TSC2: variants seen among roughly 807,000 people sequenced by gnomAD.
The protein encoded by TSC2 is tuberin.
Under a neutral mutation model 202.2 loss-of-function variants are expected in TSC2, and 29 were observed. The ratio of observed to expected loss-of-function variants is 0.14; its 90% CI spans 0.11 to 0.20. The LOEUF is 0.20. Ranked by LOEUF, TSC2 falls within the 10% of genes least tolerant of loss-of-function variation. TSC2 has a pLI of 1.00. For missense variants in TSC2, 2,429 were observed against 2,420.0 expected, an observed-to-expected ratio of 1.00 and a Z score of -0.08; for synonymous variants, 1,349 against 1,044.0, an observed-to-expected ratio of 1.29 and a Z score of -5.63.
intron 22 of TSC2, 75 bp from the exon 23 acceptor site, chr16:2,075,724 C>T (rs1404040099): frequency 4.0e-6 from 6 of 1,510,610 alleles, no homozygotes; most frequent in Non-Finnish European, 5.5e-6. Context: ...CTGCCGTGGG[C>T]AGAGCAGCCG....
Position 2,077,725 on chromosome 16 carries a change from A to G in TSC2, c.2965A>G (p.Ser989Gly), listed in dbSNP as rs1567491278. The G allele has an allele frequency of 6.2e-7, 1 of 1,612,482 alleles. No individual in the cohort carries two copies. Among genetic ancestry groups the G allele is most frequent in the Non-Finnish European group, 8.5e-7 (1 of 1,179,996 alleles). ...CAGTGTGTCTGAACATGTGGTCCGC[A>G]GGTAGCGGGACTGTCGGGTGGGGGG... ...SISVSEHVVR[S>G]RIQTSLTSAS... Residue 989 changes from serine to glycine, a missense_variant and splice_region_variant, in exon 26 of 42, where the codon AGC (serine) becomes GGC (glycine). Transcript: ENST00000219476.
intron 2 of TSC2, among the ~76,000 whole-genome samples, chr16:2,049,416 C>T (rs976215082): frequency 1.3e-5 from 2 of 151,892 alleles, no homozygotes; most frequent in Non-Finnish European, 2.9e-5. Context: ...GTGTTTGTGT[C>T]TTTGTCACAC....
intron 16 of TSC2, among the ~76,000 whole-genome samples, chr16:2,066,817 T>C (rs9926532): frequency 0.13 from 20,085 of 151,758 alleles, 2,972 homozygotes; most frequent in African/African-American, 0.37. Flanking sequence ...CCTGCCAACA[T>C]ACTCGGCTAA....
At chr16:2,067,553 C>T (rs1402836594) in intron 16 of TSC2, among the ~76,000 whole-genome samples, 4 of 151,682 alleles carry the variant, frequency 2.6e-5, no homozygotes, top group African/African-American at 4.8e-5. Flanking sequence ...GGTGGATCAC[C>T]TGAGGTTGGG....
intron 32 of TSC2, chr16:2,082,706 C>A (rs2151496293): frequency 1.5e-6 from 1 of 658,706 alleles, no homozygotes. Context: ...CCCTTTGTGG[C>A]TGAGCCCTGT....
chr16:2,081,227 GAGCCC>G (rs1202798510), intron 30 of TSC2: 1 of 369,850 alleles, frequency 2.7e-6, no homozygotes, highest in Non-Finnish European at 5.2e-6. Flanking sequence ...CAGAGGCCCA[GAGCCC>G]AGGGACAGAG....
At chr16:2,070,353 A>C in intron 16 of TSC2, 103 bp from the exon 17 acceptor site, 1 of 1,598,856 alleles carries the variant, frequency 6.3e-7, no homozygotes, top group Middle Eastern at 1.7e-4. Flanking sequence ...TGAAGCACGC[A>C]CTCTAGAGCA....
intron 10 of TSC2, among the ~76,000 whole-genome samples, chr16:2,059,334 C>G (rs1314012361): frequency 6.8e-6 from 1 of 147,914 alleles, no homozygotes; most frequent in East Asian, 2.0e-4. Flanking sequence ...TTTTTTCTCT[C>G]TCTCTTTTTT....
chr16:2,073,084 G>C (rs2088728456), intron 21 of TSC2, 101 bp downstream of exon 21: 2 of 1,560,534 alleles, frequency 1.3e-6, no homozygotes, highest in South Asian at 2.3e-5. Flanking sequence ...GTTTCTGCCA[G>C]GCCAGGGATG....
intron 11 of TSC2, 138 bp downstream of exon 11, chr16:2,060,951 A>G (rs2086566778): frequency 3.6e-6 from 4 of 1,115,244 alleles, no homozygotes; most frequent in Non-Finnish European, 5.1e-6. Flanking sequence ...GGTGATTCGC[A>G]GTGGCGCTCA....
chr16:2,057,092 T>C lies in TSC2; in HGVS notation c.775-13T>C, dbSNP rs1216170716. 6.4e-7 allele frequency: 1 copy of C among 1,551,082 alleles called. No homozygotes were observed. The highest frequency in any genetic ancestry group is 2.0e-5 in the Admixed American group (1 of 50,996). On this transcript the variant is annotated splice_polypyrimidine_tract_variant and intron_variant, in intron 8 of 41. Transcript: ENST00000219476. ...TATGCCTGCCAGCCCCTGACACGCATTGTGTCTCGCAGCTGATGCGGAACC... is the reference window on the plus strand; with the variant it reads ...TATGCCTGCCAGCCCCTGACACGCACTGTGTCTCGCAGCTGATGCGGAACC...
At chr16:2,058,955 C>T in intron 10 of TSC2, 82 bp downstream of exon 10, 1 of 1,558,164 alleles carries the variant, frequency 6.4e-7, no homozygotes, top group Non-Finnish European at 8.7e-7. Context: ...ACTGGGGGTC[C>T]TGCTGCGGGG....
rs45473098 is a variant in TSC2, at chr16:2,080,243, G to T, written c.3476G>T (p.Arg1159Leu). ...GGCAGTGCCACTTCTCCAGGACCAC[G>T]GACTGCACCAGCCGCGAAACCTGAG... is the stretch of plus-strand genomic sequence containing the variant. ...FLGSATSPGP[R>L]TAPAAKPEKA... Residue 1159 changes from arginine to leucine, a missense_variant, in exon 30 of 42, where the codon CGG (arginine) becomes CTG (leucine). By Grantham distance (102) the Arg-to-Leu change is moderately radical. Transcript: ENST00000219476. 8.7e-6 allele frequency: 14 copies of T among 1,612,842 alleles called. No individual in the cohort carries two copies. Among genetic ancestry groups the T allele is most frequent in the African/African-American group, 5.3e-5 (4 of 74,946 alleles).
chr16:2,083,104 G>T (rs2090334890), intron 32 of TSC2: 2 of 455,322 alleles, frequency 4.4e-6, no homozygotes, highest in Non-Finnish European at 8.8e-6. Flanking sequence ...GTGCAGGGCT[G>T]TGGGGCGCCC....
intron 22 of TSC2, chr16:2,074,760 C>A: frequency 2.7e-6 from 1 of 373,488 alleles, no homozygotes; most frequent in Non-Finnish European, 5.1e-6. Flanking sequence ...GTCCCTTCCC[C>A]TCACCGCCTG....
intron 3 of TSC2, 52 bp downstream of exon 3, chr16:2,050,538 C>T (rs1034204535): frequency 6.5e-6 from 10 of 1,540,150 alleles, no homozygotes; most frequent in Non-Finnish European, 9.0e-6. Context: ...CTATTCAGAG[C>T]CTGAGTTTGC....
chr16:2,071,284 G>A (rs1258957146), intron 17 of TSC2: 1 of 609,548 alleles, frequency 1.6e-6, no homozygotes, highest in East Asian at 2.8e-5. Context: ...GGGGACACCA[G>A]GCTCTGTGAG....
intron 22 of TSC2, among the ~76,000 whole-genome samples, chr16:2,075,525 CAA>C (rs933350142): frequency 1.8e-4 from 5 of 27,302 alleles, no homozygotes; most frequent in East Asian, 1.1e-3. Context: ...AGACTCATCT[CAA>C]AAAAAAAAAA....
At chr16:2,058,340 G>A (rs1189025523) in intron 9 of TSC2, among the ~76,000 whole-genome samples, 1 of 152,236 alleles carries the variant, frequency 6.6e-6, no homozygotes, top group Non-Finnish European at 1.5e-5. Context: ...TGAGGTCTTA[G>A]CGTGGTCACT....
Sources: gnomAD v4.1 joint callset for allele counts (sites outside exome capture counted in the v4.1 genomes callset) on GRCh38, gnomAD v4.1.1 for gene constraint, MANE v1.5 for transcripts, NCBI Gene and HGNC (gene_info 2026-07-23, HGNC 2026-07-21) for gene names.